FSTL4: variants seen among roughly 807,000 people sequenced by gnomAD.
FSTL4 encodes follistatin-related protein 4.
In FSTL4, 28 loss-of-function variants were observed where a neutral mutation model predicts 78.2. The observed-to-expected ratio is 0.36, with a 90% confidence interval of 0.27 to 0.49. FSTL4 has a LOEUF of 0.49. Ranked by LOEUF, FSTL4 falls within the 20% of genes least tolerant of loss-of-function variation. FSTL4 has a pLI of 0.98. For synonymous variants in FSTL4, 422 were observed against 440.5 expected, an observed-to-expected ratio of 0.96 and a Z score of 0.53; for missense variants, 922 against 1,084.9, an observed-to-expected ratio of 0.85 and a Z score of 2.11.
chr5:133,699,877 T>A, the FSTL4 span, among the ~76,000 whole-genome samples: 115 of 61,466 alleles, frequency 1.9e-3, no homozygotes, highest in African/African-American at 8.8e-3. Flanking sequence ...TGAGACTCCA[T>A]CTCAAAAAAA....
intron 3 of FSTL4, among the ~76,000 whole-genome samples, chr5:133,512,585 G>A (rs575797800): frequency 1.3e-5 from 2 of 152,310 alleles, no homozygotes; most frequent in Non-Finnish European, 2.9e-5. Context: ...ATCCCAAGCA[G>A]TATTTTAGGC....
intron 14 of FSTL4, chr5:133,208,045 G>C (rs1357211686): frequency 1.3e-5 from 2 of 151,970 alleles, no homozygotes; most frequent in Admixed American, 1.3e-4. Context: ...TCCTCACCTG[G>C]CACTTATTGT....
the FSTL4 span, among the ~76,000 whole-genome samples, chr5:133,746,664 C>A: frequency 1.3e-5 from 2 of 151,988 alleles, no homozygotes; most frequent in African/African-American, 4.8e-5. Context: ...GAACAAGAAC[C>A]AGAATAGACA....
the FSTL4 span, among the ~76,000 whole-genome samples, chr5:133,821,236 A>T: frequency 1.4e-4 from 21 of 152,246 alleles, no homozygotes; most frequent in Non-Finnish European, 2.5e-4. Flanking sequence ...TCATGCTAAC[A>T]TCATGCCTTC....
the FSTL4 span, among the ~76,000 whole-genome samples, chr5:133,744,730 C>A: frequency 6.6e-6 from 1 of 152,170 alleles, no homozygotes; most frequent in Non-Finnish European, 1.5e-5. Context: ...CAGGCATGCA[C>A]CGGACTAAGA....
intron 6 of FSTL4, among the ~76,000 whole-genome samples, chr5:133,294,552 T>C (rs1271849647): frequency 6.6e-6 from 1 of 152,124 alleles, no homozygotes; most frequent in Non-Finnish European, 1.5e-5. Flanking sequence ...CTAACAGCAG[T>C]CTCCCTTATA....
chr5:133,744,897 G>A, the FSTL4 span, among the ~76,000 whole-genome samples: 1 of 152,156 alleles, frequency 6.6e-6, no homozygotes, highest in East Asian at 1.9e-4. Flanking sequence ...AAAGTAAAGT[G>A]AATTGGATAC....
intron 3 of FSTL4, among the ~76,000 whole-genome samples, chr5:133,422,154 G>A (rs921890419): frequency 2.6e-5 from 4 of 152,146 alleles, no homozygotes; most frequent in African/African-American, 7.2e-5. Flanking sequence ...GAAGAAGGAC[G>A]TGGGCAAAGA....
intron 3 of FSTL4, among the ~76,000 whole-genome samples, chr5:133,446,984 A>G (rs959001382): frequency 3.3e-5 from 5 of 152,164 alleles, no homozygotes; most frequent in African/African-American, 1.2e-4. Context: ...CTGAAGAGAA[A>G]AGACAGCTCC....
intron 11 of FSTL4, among the ~76,000 whole-genome samples, chr5:133,222,438 ACT>A (rs898246290): frequency 1.4e-4 from 22 of 151,976 alleles, no homozygotes; most frequent in Admixed American, 6.6e-5. Context: ...TCTCTTCTGT[ACT>A]CTTTCACCTG....
intron 3 of FSTL4, among the ~76,000 whole-genome samples, chr5:133,471,678 G>A (rs150521167): frequency 6.6e-6 from 1 of 152,184 alleles, no homozygotes; most frequent in African/African-American, 2.4e-5. Context: ...ATGCGATTTT[G>A]TTATAGTAGC....
chr5:133,382,982 C>T (rs1025277213), intron 4 of FSTL4, among the ~76,000 whole-genome samples: 4 of 152,092 alleles, frequency 2.6e-5, no homozygotes, highest in African/African-American at 9.7e-5. Flanking sequence ...GTGCAACTGC[C>T]TGGTGGATAT....
At chr5:133,580,551 C>T (rs955596809) in intron 2 of FSTL4, among the ~76,000 whole-genome samples, 7 of 152,278 alleles carry the variant, frequency 4.6e-5, no homozygotes, top group South Asian at 2.1e-4. Context: ...AGAAGTGCCA[C>T]GGTGCAAAAT....
chr5:133,237,730 A>T (rs1273201916), intron 7 of FSTL4, among the ~76,000 whole-genome samples: 2 of 152,210 alleles, frequency 1.3e-5, no homozygotes, highest in African/African-American at 2.4e-5. Flanking sequence ...TTAACAATTG[A>T]TTTATAAGAA....
chr5:133,307,870 T>G (rs2126884014), intron 6 of FSTL4, among the ~76,000 whole-genome samples: 1 of 151,122 alleles, frequency 6.6e-6, no homozygotes, highest in Non-Finnish European at 1.5e-5. Flanking sequence ...AAACTCTGCC[T>G]CCTGGGTTCA....
the FSTL4 span, among the ~76,000 whole-genome samples, chr5:133,798,135 C>T: frequency 2.6e-5 from 4 of 152,238 alleles, no homozygotes; most frequent in Non-Finnish European, 5.9e-5. Flanking sequence ...AGCACGGGCC[C>T]ATCCCAGACC....
the FSTL4 span, among the ~76,000 whole-genome samples, chr5:133,836,114 G>A: frequency 1.3e-5 from 2 of 152,076 alleles, no homozygotes; most frequent in Non-Finnish European, 2.9e-5. Context: ...ACATAGTTGA[G>A]TTTTGTTTTT....
At chr5:133,694,735 A>G in the FSTL4 span, among the ~76,000 whole-genome samples, 1 of 152,224 alleles carries the variant, frequency 6.6e-6, no homozygotes, top group Admixed American at 6.5e-5. Flanking sequence ...TTTATTTCTC[A>G]TGGTTCCGGA....
In FSTL4 at chr5:133,439,644, C is replaced by T. The variant is rs185517263; in HGVS notation, c.161-38658G>A. Among the ~76,000 whole-genome samples, 19 of 152,308 alleles carry T rather than the reference C, an allele frequency of 1.2e-4. 1 individual carries two copies. The highest frequency in any genetic ancestry group is 3.3e-4 in the Admixed American group (5 of 15,302). On this transcript the variant is annotated intron_variant, in intron 3 of 15. Transcript: ENST00000265342. ...CCCTCTTGGGGCTGATCTCTCCCTT[C>T]GTCTAAAACAGGGCTTAGAATAAGA... is the stretch of plus-strand genomic sequence containing the variant.
Sources: allele counts gnomAD v4.1 joint callset (sites outside exome capture counted in the v4.1 genomes callset), GRCh38; gene constraint gnomAD v4.1.1; transcripts MANE v1.5; gene names NCBI Gene and HGNC (gene_info 2026-07-23, HGNC 2026-07-21).